GRIA4: variants seen among roughly 807,000 people sequenced by gnomAD.
GRIA4 encodes glutamate ionotropic receptor AMPA type subunit 4.
In GRIA4, 34 loss-of-function variants were observed where a neutral mutation model predicts 104.0. The ratio of observed to expected loss-of-function variants is 0.33; its 90% CI spans 0.25 to 0.44. The LOEUF is 0.44. GRIA4 is among the 20% of genes least tolerant of loss of function. The pLI, the probability that GRIA4 is intolerant of heterozygous loss-of-function variation, is 1.00. For missense variants in GRIA4, 750 were observed against 1,096.5 expected, an observed-to-expected ratio of 0.68 and a Z score of 4.46; for synonymous variants, 386 against 381.9, an observed-to-expected ratio of 1.01 and a Z score of -0.13.
At chr11:105,797,865 A>G (rs1001151334) in intron 4 of GRIA4, 4 of 445,978 alleles carry the variant, frequency 9.0e-6, no homozygotes, top group Non-Finnish European at 1.8e-5. Flanking sequence ...AGCTCAATGT[A>G]TTTAATTACT....
At chr11:105,860,957 A>G (rs12049807) in intron 4 of GRIA4, among the ~76,000 whole-genome samples, 4,629 of 40,580 alleles carry the variant, frequency 0.11, 297 homozygotes, top group East Asian at 0.45. Flanking sequence ...AGACTGTCTG[A>G]AAAAAAAAAA....
intron 5 of GRIA4, among the ~76,000 whole-genome samples, chr11:105,884,136 T>C (rs1946167799): frequency 1.3e-5 from 2 of 152,226 alleles, no homozygotes; most frequent in Non-Finnish European, 2.9e-5. Context: ...GGAAAGGCCA[T>C]AATTAATTTT....
At chr11:105,948,630 C>T (rs1371431329) in intron 14 of GRIA4, among the ~76,000 whole-genome samples, 120 of 46,252 alleles carry the variant, frequency 2.6e-3, no homozygotes, top group Admixed American at 0.01. Context: ...TGGAGTCTTG[C>T]TTTGTTGCCA....
chr11:105,835,290 G>A (rs621632), intron 4 of GRIA4, among the ~76,000 whole-genome samples: 84,864 of 151,754 alleles, frequency 0.56, 24,377 homozygotes, highest in African/African-American at 0.71. Flanking sequence ...TGACTTATAC[G>A]TGAGTGGTAC....
In GRIA4 at chr11:105,926,959, A is replaced by G. The variant is rs747636097; in HGVS notation, c.2046+20A>G. Reference sequence around the variant, plus strand: ...TTCAGAGTAAGTTAAGGGAAAAACTAAAAATGAAATGTTTATCATTTTGAA... The same window carrying G: ...TTCAGAGTAAGTTAAGGGAAAAACTGAAAATGAAATGTTTATCATTTTGAA... On this transcript the variant is annotated intron_variant, in intron 13 of 16. Transcript: ENST00000282499. The G allele has an allele frequency of 8.6e-5, 130 of 1,517,808 alleles. No individual in the cohort carries two copies. Among genetic ancestry groups the G allele is most frequent in the Non-Finnish European group, 1.2e-4 (129 of 1,094,902 alleles). 94.0% of individuals were successfully genotyped at this position (1,517,808 alleles called of 1,614,324 possible).
intron 3 of GRIA4, among the ~76,000 whole-genome samples, chr11:105,682,120 T>G (rs972569042): frequency 6.6e-6 from 1 of 152,198 alleles, no homozygotes; most frequent in Non-Finnish European, 1.5e-5. Context: ...AAATTTCACA[T>G]GTGGTTCACA....
chr11:105,662,024 T>TGTGTGTGTGC (rs1409485476), intron 3 of GRIA4, among the ~76,000 whole-genome samples: 1 of 151,406 alleles, frequency 6.6e-6, no homozygotes, highest in Admixed American at 6.6e-5. Flanking sequence ...TGTGTGTGTG[T>TGTGTGTGTGC]GCACATCAAA....
intron 5 of GRIA4, among the ~76,000 whole-genome samples, chr11:105,885,383 A>G (rs1267255799): frequency 1.3e-5 from 2 of 152,226 alleles, no homozygotes; most frequent in African/African-American, 4.8e-5. Context: ...GGAAAGTTCT[A>G]TTTTAGATAA....
chr11:105,734,799 A>G (rs982315407), intron 3 of GRIA4, among the ~76,000 whole-genome samples: 3 of 152,152 alleles, frequency 2.0e-5, no homozygotes, highest in African/African-American at 7.2e-5. Context: ...TTGCATCCTT[A>G]TACTATCCTT....
chr11:105,726,934 A>G (rs996123700), intron 3 of GRIA4, among the ~76,000 whole-genome samples: 2 of 152,170 alleles, frequency 1.3e-5, no homozygotes, highest in Admixed American at 1.3e-4. Context: ...AGGAAAAACC[A>G]TTGCAAAAAG....
At chr11:105,670,307 C>T (rs993626387) in intron 3 of GRIA4, among the ~76,000 whole-genome samples, 1 of 152,070 alleles carries the variant, frequency 6.6e-6, no homozygotes, top group African/African-American at 2.4e-5. Context: ...TACTGTAACA[C>T]TTTAAAATGT....
intron 3 of GRIA4, among the ~76,000 whole-genome samples, chr11:105,631,320 C>T (rs1951030488): frequency 6.6e-6 from 1 of 152,052 alleles, no homozygotes; most frequent in Non-Finnish European, 1.5e-5. Context: ...CAGAGGATAG[C>T]TTAAGATAAC....
At position 105,822,106 on chromosome 11, in the gene GRIA4, G is replaced by A. The variant is rs114067548; in HGVS notation, c.488-39918G>A. Among the ~76,000 whole-genome samples the A allele has an allele frequency of 3.2e-4, 48 of 152,260 alleles. 1 individual carries two copies. Among genetic ancestry groups the A allele is most frequent in the African/African-American group, 1.0e-3 (42 of 41,568 alleles). ...TAAGCCAGGCTGTGCCTTTGTAGACGTAGGGTTATTTAAACTCCTGTAGCA... is the reference window on the plus strand; with the variant it reads ...TAAGCCAGGCTGTGCCTTTGTAGACATAGGGTTATTTAAACTCCTGTAGCA... On this transcript the variant is annotated intron_variant, in intron 4 of 16. Coordinates refer to ENST00000282499, the MANE Select transcript of GRIA4 (RefSeq NM_000829.4).
intron 13 of GRIA4, among the ~76,000 whole-genome samples, chr11:105,933,379 A>G (rs1244554468): frequency 6.6e-6 from 1 of 152,196 alleles, no homozygotes; most frequent in Non-Finnish European, 1.5e-5. Flanking sequence ...GATATAAAAC[A>G]TGATTTTAAA....
intron 13 of GRIA4, among the ~76,000 whole-genome samples, chr11:105,929,710 G>T (rs1243110463): frequency 6.6e-6 from 1 of 152,050 alleles, no homozygotes; most frequent in Non-Finnish European, 1.5e-5. Flanking sequence ...CATCAGTCTT[G>T]CCAAGTAAGC....
At chr11:105,869,322 C>A (rs572949417) in intron 5 of GRIA4, among the ~76,000 whole-genome samples, 4 of 152,184 alleles carry the variant, frequency 2.6e-5, no homozygotes, top group African/African-American at 9.6e-5. Flanking sequence ...CTTACTGGAA[C>A]AATTTCTACT....
intron 3 of GRIA4, among the ~76,000 whole-genome samples, chr11:105,705,930 C>T (rs959687660): frequency 9.9e-5 from 15 of 152,268 alleles, no homozygotes; most frequent in African/African-American, 3.4e-4. Flanking sequence ...ATTGCTAATA[C>T]ACATGCATGA....
At chr11:105,858,441 C>T (rs919351553) in intron 4 of GRIA4, among the ~76,000 whole-genome samples, 9 of 152,018 alleles carry the variant, frequency 5.9e-5, no homozygotes, top group Admixed American at 5.9e-4. Flanking sequence ...GCATACAGTG[C>T]ATAATGATCA....
intron 10 of GRIA4, 95 bp from the exon 11 acceptor site, chr11:105,918,617 A>G (rs1474164357): frequency 1.5e-6 from 1 of 662,822 alleles, no homozygotes; most frequent in Non-Finnish European, 2.7e-6. Context: ...AATACTAAAT[A>G]CAATCTTTTG....
Sources: gnomAD v4.1 joint callset for allele counts (sites outside exome capture counted in the v4.1 genomes callset) on GRCh38, gnomAD v4.1.1 for gene constraint, MANE v1.5 for transcripts, NCBI Gene and HGNC (gene_info 2026-07-23, HGNC 2026-07-21) for gene names.